The following ITGB3BP variants were observed in gnomAD, a reference collection of about 807,000 sequenced individuals.
ITGB3BP encodes the protein centromere protein R.
Under a neutral mutation model 29.1 loss-of-function variants are expected in ITGB3BP, and 27 were observed. The ratio of observed to expected loss-of-function variants is 0.93; its 90% confidence interval spans 0.68 to 1.28. The LOEUF is 1.28. Ranked by LOEUF, ITGB3BP falls within the 50% of genes most tolerant of loss-of-function variation. ITGB3BP has a pLI of 0.00. For synonymous variants in ITGB3BP, 61 were observed against 61.4 expected (o/e 0.99, Z 0.03); for missense variants, 192 against 200.2 (o/e 0.96, Z 0.25).
intron 8 of ITGB3BP, among the ~76,000 whole-genome samples, chr1:63,445,387 A>G (rs920005737): frequency 1.3e-5 from 2 of 151,642 alleles, no homozygotes; most frequent in African/African-American, 2.4e-5. Context: ...GTTACTACAT[A>G]CAACAGAATA....
At chr1:63,452,829 A>G (rs1177559502) in intron 7 of ITGB3BP, among the ~76,000 whole-genome samples, 1 of 152,066 alleles carries the variant, frequency 6.6e-6, no homozygotes, top group Non-Finnish European at 1.5e-5. Context: ...TGGCCTTTAG[A>G]TCTGACTGGC....
intron 1 of ITGB3BP, among the ~76,000 whole-genome samples, chr1:63,518,426 C>T (rs1293966198): frequency 6.6e-6 from 1 of 152,114 alleles, no homozygotes; most frequent in African/African-American, 2.4e-5. Flanking sequence ...TTACCTCTTT[C>T]AATATCTATA....
Position 63,454,890 on chromosome 1 carries a change from C to G in ITGB3BP, c.333G>C (p.Gln111His), listed in dbSNP as rs1219128205. ...MEIMQNLSSIQALEGSRELEN... is the reference protein window; with the variant it reads ...MEIMQNLSSIHALEGSRELEN... The stretch of plus-strand genomic sequence containing the variant: ...GGTAGAAGTATGAAAAAATGCAAAC[C>G]TGTATACTACTTAAATTTTGCATTA... Residue 111 changes from glutamine (Q) to histidine (H), a missense_variant and splice_region_variant, in exon 5 of 9, where the codon CAG becomes CAC. Gln to His is a conservative substitution (Grantham distance 24, BLOSUM62 0). Transcript: ENST00000271002. The surrounding 1 kb of genome is among the most constrained non-coding windows in gnomAD (Gnocchi z 4.1). 2 of 1,461,848 alleles carry G rather than the reference C, an allele frequency of 1.4e-6. No individual in the cohort carries two copies. The allele number at this position is 1,461,848 out of a possible 1,614,324, so 90.6% of individuals were successfully genotyped here. A position where few individuals can be genotyped will look rare whatever the true frequency, so the allele number is the denominator to read the frequency against.
At chr1:63,519,456 C>A (rs1375467919) in intron 1 of ITGB3BP, among the ~76,000 whole-genome samples, 1 of 152,010 alleles carries the variant, frequency 6.6e-6, no homozygotes, top group East Asian at 1.9e-4. Flanking sequence ...CAGGTGAGAG[C>A]CACCACGCTC....
chr1:63,517,501 T>C (rs1646360163), intron 1 of ITGB3BP, among the ~76,000 whole-genome samples: 1 of 152,090 alleles, frequency 6.6e-6, no homozygotes, highest in South Asian at 2.1e-4. Flanking sequence ...TTGCATGTCT[T>C]ATGCTAAATT....
chr1:63,446,529 C>T, intron 8 of ITGB3BP: 1 of 395,396 alleles, frequency 2.5e-6, no homozygotes, highest in African/African-American at 2.0e-5. Flanking sequence ...ATTAAGGACC[C>T]TTTTACACTC....
chr1:63,473,358 C>T (rs1022857792), intron 4 of ITGB3BP, among the ~76,000 whole-genome samples: 4 of 150,394 alleles, frequency 2.7e-5, no homozygotes, highest in Non-Finnish European at 4.5e-5. Context: ...GGGGGTCAGC[C>T]CCCCGCCCGG....
chr1:63,451,886 C>T (rs949870644), intron 7 of ITGB3BP: 1 of 151,950 alleles, frequency 6.6e-6, no homozygotes, highest in Non-Finnish European at 1.5e-5. Context: ...GAATATAACA[C>T]ACAGTAGTAT....
chr1:63,497,806 G>A lies in ITGB3BP; in HGVS notation c.49-7588C>T, dbSNP rs1226452224. On this transcript the variant is annotated intron_variant, in intron 2 of 8. Coordinates refer to ENST00000271002, the MANE Select transcript of ITGB3BP (RefSeq NM_014288.5). ...TTCCCCGTCTTCCTGAACTGCAGGA[G>A]ACTGAGCTCCCTTGGACTCTGATGA... Among the ~76,000 whole-genome samples, 5 of 152,324 alleles carry A rather than the reference G, an allele frequency of 3.3e-5. No homozygotes were observed. The East Asian group carries it at 7.7e-4, about 24-fold the overall frequency.
At chr1:63,487,535 T>C (rs1645554376) in intron 3 of ITGB3BP, among the ~76,000 whole-genome samples, 1 of 152,108 alleles carries the variant, frequency 6.6e-6, no homozygotes, top group Admixed American at 6.6e-5. Flanking sequence ...CAAACCTCCA[T>C]TGTATAACCT....
intron 4 of ITGB3BP, among the ~76,000 whole-genome samples, chr1:63,472,665 C>T (rs1284167813): frequency 5.3e-5 from 8 of 149,860 alleles, no homozygotes; most frequent in African/African-American, 9.8e-5. Context: ...TTGGTGGAGA[C>T]GGGGTTTTGC....
At chr1:63,444,429 T>C (rs1342681538) in intron 8 of ITGB3BP, among the ~76,000 whole-genome samples, 2 of 147,674 alleles carry the variant, frequency 1.4e-5, no homozygotes, top group Non-Finnish European at 3.0e-5. Context: ...GATGGATATA[T>C]ATAAGATATA....
At chr1:63,479,484 T>C (rs1645401049) in intron 3 of ITGB3BP, among the ~76,000 whole-genome samples, 1 of 152,154 alleles carries the variant, frequency 6.6e-6, no homozygotes. Context: ...CTCTCAGCAA[T>C]TTTCAAGTAT....
At chr1:63,523,487 A>G (rs1448280155), upstream of ITGB3BP, 3 of 368,140 alleles carry the variant, frequency 8.1e-6, no homozygotes, top group East Asian at 1.7e-4. Flanking sequence ...TCGTTTGGAG[A>G]AGGGCTCTGC....
At chr1:63,465,890 A>T (rs541775075) in intron 4 of ITGB3BP, among the ~76,000 whole-genome samples, 2 of 150,524 alleles carry the variant, frequency 1.3e-5, no homozygotes, top group African/African-American at 4.9e-5. Flanking sequence ...TTTTAATTAA[A>T]TTTTTTTTTT....
At chr1:63,479,363 A>G (rs894619725) in intron 3 of ITGB3BP, among the ~76,000 whole-genome samples, 2 of 152,200 alleles carry the variant, frequency 1.3e-5, no homozygotes, top group Non-Finnish European at 2.9e-5. Flanking sequence ...TACAGTGTAT[A>G]ACATGTTCTG....
rs1323027207 is a variant in ITGB3BP, at chr1:63,472,653, T to G, written c.254+6111A>C. On this transcript the variant is annotated intron_variant, in intron 4 of 8. Transcript: ENST00000271002. ...GCCTGATTGGTTTTCGTTTTTTTTT[T>G]TTTGGTGGAGACGGGGTTTTGCTGT... 3.3e-5 allele frequency among the ~76,000 whole-genome samples: 5 copies of G among 151,402 alleles called. No homozygotes were observed. In the East Asian group the frequency reaches 9.8e-4, roughly 30 times the overall value.
intron 1 of ITGB3BP, among the ~76,000 whole-genome samples, chr1:63,521,883 T>A (rs1646457771): frequency 6.6e-6 from 1 of 152,232 alleles, no homozygotes; most frequent in Admixed American, 6.5e-5. Context: ...GTTTGGCAAA[T>A]ACACCTCTGT....
chr1:63,502,522 T>TC (rs1199841947), intron 2 of ITGB3BP, among the ~76,000 whole-genome samples: 1 of 151,440 alleles, frequency 6.6e-6, no homozygotes, highest in African/African-American at 2.4e-5. Flanking sequence ...TCTTTTTTTT[T>TC]TTTTTTAATA....
Sources: gnomAD v4.1 joint callset for allele counts (sites outside exome capture counted in the v4.1 genomes callset) on GRCh38, gnomAD v4.1.1 for gene constraint, Gnocchi (gnomAD v3.1) non-coding constraint, MANE v1.5 for transcripts, NCBI Gene and HGNC (gene_info 2026-07-23, HGNC 2026-07-21) for gene names.